Variants in MAPT observed in about 807,000 individuals in gnomAD.
The protein encoded by MAPT is microtubule-associated protein tau.
Under a neutral mutation model 67.9 loss-of-function variants are expected in MAPT, and 34 were observed. That is an observed-to-expected ratio of 0.50 (90% CI 0.38 to 0.67). The LOEUF (loss-of-function observed/expected upper bound fraction) is 0.67. Among genes scored for constraint, MAPT ranks in the 30% least tolerant of loss-of-function variants. MAPT has a pLI of 0.00. For missense variants in MAPT, 881 were observed against 1,115.2 expected, an observed-to-expected ratio of 0.79 and a Z score of 2.99; for synonymous variants, 456 against 464.5, an observed-to-expected ratio of 0.98 and a Z score of 0.23.
chr17:45,997,069 C>G (rs62063851), intron 9 of MAPT, among the ~76,000 whole-genome samples: 22,046 of 152,234 alleles, frequency 0.14, 2,138 homozygotes, highest in Non-Finnish European at 0.22. Flanking sequence ...ACCCATAGGT[C>G]AGCATCTCCA....
rs200385096 is a variant in MAPT at position 45,983,587 on chromosome 17, G to A, written c.1008G>A (p.Ala336=). ...REATSIPGFP[A]EGAIPLPVDF... The stretch of plus-strand genomic sequence containing the variant: ...CCACCAGCATCCCAGGCTTCCCAGC[G>A]GAGGGTGCCATCCCCCTCCCTGTGG... The change falls in exon 5 of 13, where the codon GCG becomes GCA. Residue 336 remains alanine (A), a synonymous_variant. Transcript: ENST00000262410. 6.8e-5 allele frequency: 109 copies of A among 1,613,212 alleles called. 1 individual carries two copies. Among genetic ancestry groups the A allele is most frequent in the Non-Finnish European group, 8.7e-5 (103 of 1,179,962 alleles).
chr17:45,903,385 C>T (rs1014158960), intron 1 of MAPT, among the ~76,000 whole-genome samples: 1 of 152,022 alleles, frequency 6.6e-6, no homozygotes, highest in African/African-American at 2.4e-5. Flanking sequence ...CCTCCCATGG[C>T]CTGTCCCCCA....
Position 45,952,359 on chromosome 17 carries a change from G to A in MAPT, c.-17-9962G>A, listed in dbSNP as rs574897244. On this transcript the variant is annotated intron_variant, in intron 1 of 12. Coordinates refer to ENST00000262410, the MANE Select transcript of MAPT (RefSeq NM_001377265.1). Reference sequence around the variant, plus strand: ...TGCCAGGGTCCCCTGCCTCTCACCTGGCCTGGGCTGGAGGCCTCCTGCTGT... The same window carrying A: ...TGCCAGGGTCCCCTGCCTCTCACCTAGCCTGGGCTGGAGGCCTCCTGCTGT... 7.2e-5 allele frequency among the ~76,000 whole-genome samples: 11 copies of A among 152,330 alleles called. No homozygotes were observed. In the South Asian group the frequency reaches 1.9e-3, roughly 26 times the overall value.
chr17:45,903,840 T>TTTTATATA (rs1403253811), intron 1 of MAPT, among the ~76,000 whole-genome samples: 1 of 40,512 alleles, frequency 2.5e-5, no homozygotes, highest in African/African-American at 7.2e-5. Flanking sequence ...TATTATATAT[T>TTTTATATA]TTATATATTA....
chr17:45,959,497 A>T lies in MAPT; in HGVS notation c.-17-2824A>T, dbSNP rs577136239. Reference sequence around the variant, plus strand: ...GATCTTGTTTGAAAAGCAATTGGTGATGCTTCTCAAAATTCTATGGACAAA... The same window carrying T: ...GATCTTGTTTGAAAAGCAATTGGTGTTGCTTCTCAAAATTCTATGGACAAA... On this transcript the variant is annotated intron_variant, in intron 1 of 12. Coordinates refer to ENST00000262410, the MANE Select transcript of MAPT (RefSeq NM_001377265.1). Among the ~76,000 whole-genome samples, 13 of 152,326 alleles carry T rather than the reference A, an allele frequency of 8.5e-5. No homozygotes were observed. The South Asian group carries it at 2.1e-3, about 24-fold the overall frequency.
chr17:45,973,448 A>G (rs1443855047), intron 3 of MAPT: 1 of 152,176 alleles, frequency 6.6e-6, no homozygotes, highest in Non-Finnish European at 1.5e-5. Flanking sequence ...AGAATCTCCC[A>G]AACAAGTCGC....
chr17:45,997,958 C>T (rs1205341455), intron 9 of MAPT, among the ~76,000 whole-genome samples: 1 of 152,148 alleles, frequency 6.6e-6, no homozygotes, highest in East Asian at 1.9e-4. Context: ...GGACCCCGCT[C>T]CCGCCACCCA....
chr17:46,008,488 C>T (rs1410008579), intron 9 of MAPT, among the ~76,000 whole-genome samples: 1 of 152,066 alleles, frequency 6.6e-6, no homozygotes, highest in Non-Finnish European at 1.5e-5. Flanking sequence ...AATGAGACTT[C>T]AAGGAAATAC....
At chr17:46,023,600 G>T (rs1008698408) in intron 12 of MAPT, among the ~76,000 whole-genome samples, 4 of 152,254 alleles carry the variant, frequency 2.6e-5, no homozygotes, top group Admixed American at 2.6e-4. Context: ...AGCACTCTGA[G>T]AGGCTGAGGC....
intron 12 of MAPT, among the ~76,000 whole-genome samples, chr17:46,018,971 C>A (rs1164274029): frequency 6.6e-6 from 1 of 152,194 alleles, no homozygotes; most frequent in Admixed American, 6.5e-5. Context: ...GTCTCAGGGG[C>A]AGCTCGGTTG....
At chr17:45,930,238 A>G (rs985673848) in intron 1 of MAPT, among the ~76,000 whole-genome samples, 1 of 152,050 alleles carries the variant, frequency 6.6e-6, no homozygotes, top group Non-Finnish European at 1.5e-5. Flanking sequence ...TGTCTCTACA[A>G]AAACAAAACA....
chr17:45,969,918 TATATC>T (rs1299832928), intron 2 of MAPT, among the ~76,000 whole-genome samples: 10 of 150,158 alleles, frequency 6.7e-5, no homozygotes, highest in Middle Eastern at 3.8e-3. Flanking sequence ...TGATCATACA[TATATC>T]ATCTATACAT....
chr17:45,961,837 G>A (rs1392600041), intron 1 of MAPT, among the ~76,000 whole-genome samples: 2 of 151,188 alleles, frequency 1.3e-5, no homozygotes, highest in Admixed American at 6.6e-5. Context: ...GTGCAGTGGT[G>A]TAATCTCAGC....
chr17:45,987,129 G>T (rs1489623732), intron 6 of MAPT, 34 bp downstream of exon 6: 1 of 1,605,342 alleles, frequency 6.2e-7, no homozygotes, highest in Admixed American at 1.7e-5. Context: ...TCTGCAGCTG[G>T]TCAAGTTTAC....
In MAPT at chr17:45,915,314, CTGTGTGTGTAGTG is replaced by C. The variant is rs2065111703; in HGVS notation, c.-18+20637_-18+20649del. Among the ~76,000 whole-genome samples the C allele has an allele frequency of 7.1e-6, 1 of 140,986 alleles. No homozygotes were observed. Among genetic ancestry groups the C allele is most frequent in the Non-Finnish European group, 1.5e-5 (1 of 64,918 alleles). 92.5% of individuals were successfully genotyped at this position (140,986 alleles called of 152,430 possible). On this transcript the variant is annotated intron_variant, in intron 1 of 12. Coordinates refer to ENST00000262410, the MANE Select transcript of MAPT (RefSeq NM_001377265.1). The surrounding 1 kb of genome is among the most constrained non-coding windows in gnomAD (Gnocchi z 4.4). Reference sequence around the variant, plus strand: ...GTGTGCTGTGTGAGCGTGTGTGAGTCTGTGTGTGTAGTGTGTGTGTGAAGTATGTGGTGTGTAT... The same window carrying C: ...GTGTGCTGTGTGAGCGTGTGTGAGTCTGTGTGTGAAGTATGTGGTGTGTAT...
At chr17:45,908,772 T>C (rs937231238) in intron 1 of MAPT, among the ~76,000 whole-genome samples, 6 of 152,190 alleles carry the variant, frequency 3.9e-5, no homozygotes, top group Non-Finnish European at 7.3e-5. Flanking sequence ...GAGTCATTTC[T>C]CAGTTCTGGT....
chr17:46,011,564 CTA>C (rs1185814025), intron 10 of MAPT, among the ~76,000 whole-genome samples: 1 of 152,156 alleles, frequency 6.6e-6, no homozygotes, highest in Non-Finnish European at 1.5e-5. Flanking sequence ...CCTGGCCGGT[CTA>C]TGTCGACTGG....
intron 3 of MAPT, among the ~76,000 whole-genome samples, chr17:45,972,614 G>A (rs558700310): frequency 6.6e-6 from 1 of 152,304 alleles, no homozygotes; most frequent in East Asian, 1.9e-4. Flanking sequence ...CACATAATCA[G>A]ATGTCTAGAC....
Position 46,010,197 on chromosome 17 carries a change from A to G in MAPT, c.1999-113A>G. 1 of 749,680 alleles carries G rather than the reference A, an allele frequency of 1.3e-6. No homozygotes were observed. Among genetic ancestry groups the G allele is most frequent in the Admixed American group, 2.0e-5 (1 of 50,006 alleles). The allele number at this position is 749,680 out of a possible 1,614,324, so 46.4% of individuals were successfully genotyped here. On this transcript the variant is annotated intron_variant, in intron 9 of 12. Coordinates refer to ENST00000262410, the MANE Select transcript of MAPT (RefSeq NM_001377265.1). The surrounding 1 kb of genome is among the most constrained non-coding windows in gnomAD (Gnocchi z 4.7). ...GAAAGTGGAGGCATCCTTGCGAGCA[A>G]GTAGGCGGGTCCAGGGTGGCGCATG...
Sources: gnomAD v4.1 joint callset for allele counts (sites outside exome capture counted in the v4.1 genomes callset) on GRCh38, gnomAD v4.1.1 for gene constraint, Gnocchi (gnomAD v3.1) non-coding constraint, MANE v1.5 for transcripts, NCBI Gene and HGNC (gene_info 2026-07-23, HGNC 2026-07-21) for gene names.